RAB11A: variants seen among roughly 807,000 people sequenced by gnomAD.
The protein encoded by RAB11A is ras-related protein Rab-11A.
In RAB11A, 9 loss-of-function variants were observed where a neutral mutation model predicts 28.0. The observed-to-expected ratio is 0.32, with a 90% CI of 0.19 to 0.56. The LOEUF (loss-of-function observed/expected upper bound fraction) is 0.56, where lower values mean the gene tolerates loss of function less well. RAB11A is among the 20% of genes least tolerant of loss of function. The pLI is 0.91. For synonymous variants in RAB11A, 85 were observed against 88.2 expected (o/e 0.96, Z 0.20); for missense variants, 108 against 269.6 (o/e 0.40, Z 4.20).
At chr15:65,879,615 T>C in intron 3 of RAB11A, 56 bp from the exon 4 acceptor site, 1 of 1,357,206 alleles carries the variant, frequency 7.4e-7, no homozygotes, top group South Asian at 1.3e-5. Flanking sequence ...GGCTTGAGTA[T>C]ATCCTATTCC....
rs190571382 is a variant in RAB11A at position 65,877,797 on chromosome 15, A to T, written c.272A>T (p.Tyr91Phe). The change falls in exon 3 of 5, where the codon TAT becomes TTT. Residue 91 changes from tyrosine to phenylalanine, a missense_variant. Physicochemically the swap from Tyr to Phe is conservative, Grantham distance 22. Around this residue, in one of 2 missense-constraint regions of RAB11A, gnomAD observed 23 missense variants for 123.7 expected, o/e 0.19. Coordinates refer to ENST00000261890, the MANE Select transcript of RAB11A (RefSeq NM_004663.5). This position sits in a 1 kb window ranked among gnomAD's most constrained non-coding sequence, Gnocchi z 4.1. ...YRGAVGALLVYDIAKHLTYEN... is the reference protein window; with the variant it reads ...YRGAVGALLVFDIAKHLTYEN... ...GGAGCTGTAGGTGCCTTATTGGTTT[A>T]TGACATTGCTAAACATCTCACATAT... 1 of 1,610,890 alleles carries T rather than the reference A, an allele frequency of 6.2e-7. No individual in the cohort carries two copies. Among genetic ancestry groups the T allele is most frequent in the East Asian group, 2.2e-5 (1 of 44,846 alleles).
At chr15:65,876,611 G>T (rs1226246149) in intron 1 of RAB11A, among the ~76,000 whole-genome samples, 2 of 152,118 alleles carry the variant, frequency 1.3e-5, no homozygotes. Flanking sequence ...CTTTGGTTTT[G>T]ACTCACAGTA....
At chr15:65,879,118 A>G (rs759345799) in intron 3 of RAB11A, among the ~76,000 whole-genome samples, 1 of 151,404 alleles carries the variant, frequency 6.6e-6, no homozygotes, top group Non-Finnish European at 1.5e-5. Context: ...TCAGCCTCCT[A>G]AGTAGCTGAG....
At chr15:65,871,419 A>C (rs2078160219) in intron 1 of RAB11A, among the ~76,000 whole-genome samples, 2 of 152,206 alleles carry the variant, frequency 1.3e-5, no homozygotes, top group Non-Finnish European at 2.9e-5. Flanking sequence ...ATGTGAAACT[A>C]TTTGAATCTC....
chr15:65,891,396 C>T lies in RAB11A; in HGVS notation c.*3556C>T, dbSNP rs1032737691. ...AGGATGTTGTGTACTAGGCAATATACTAGCATGTATTAGAAAATACGGTAA... is the reference window on the plus strand; with the variant it reads ...AGGATGTTGTGTACTAGGCAATATATTAGCATGTATTAGAAAATACGGTAA... On this transcript the variant is annotated 3_prime_UTR_variant, in exon 5 of 5. Coordinates refer to ENST00000261890, the MANE Select transcript of RAB11A (RefSeq NM_004663.5). 1 of 152,282 alleles carries T rather than the reference C, an allele frequency of 6.6e-6. No individual in the cohort carries two copies. The highest frequency in any genetic ancestry group is 3.4e-3 in the Middle Eastern group (1 of 294). 9.4% of individuals were successfully genotyped at this position (152,282 alleles called of 1,614,324 possible).
At position 65,875,968 on chromosome 15, in the gene RAB11A, C is replaced by T. The variant is rs189026036; in HGVS notation, c.41-1364C>T. Among the ~76,000 whole-genome samples the T allele has an allele frequency of 2.0e-3, 303 of 152,268 alleles. 2 individuals are homozygous for T. Among genetic ancestry groups the T allele is most frequent in the Admixed American group, 0.014 (216 of 15,298 alleles). On this transcript the variant is annotated intron_variant, in intron 1 of 4. Transcript: ENST00000261890. ...AAGTCTTAGTAGTCAAAAGTAGGAA[C>T]GAATGTAATGTTTCCTGAAATGCTG...
At chr15:65,875,072 C>G (rs141477696) in intron 1 of RAB11A, among the ~76,000 whole-genome samples, 2 of 151,930 alleles carry the variant, frequency 1.3e-5, no homozygotes, top group East Asian at 1.9e-4. Flanking sequence ...AAAGAAAGTG[C>G]TGGAAGTTTT....
intron 4 of RAB11A, among the ~76,000 whole-genome samples, chr15:65,882,505 C>T (rs962759540): frequency 6.6e-6 from 1 of 152,192 alleles, no homozygotes; most frequent in Non-Finnish European, 1.5e-5. Context: ...TCTTGAATTC[C>T]TGAGCTCAAG....
At chr15:65,879,996 T>C (rs2078212678) in intron 4 of RAB11A, among the ~76,000 whole-genome samples, 2 of 152,234 alleles carry the variant, frequency 1.3e-5, no homozygotes, top group African/African-American at 4.8e-5. Context: ...ACTTCCATTA[T>C]TACTTCAGTC....
At chr15:65,876,290 T>C (rs897657028) in intron 1 of RAB11A, among the ~76,000 whole-genome samples, 11 of 152,116 alleles carry the variant, frequency 7.2e-5, no homozygotes, top group Admixed American at 7.2e-4. Context: ...CTTGCTTTGT[T>C]GTATTTTATT....
At position 65,877,743 on chromosome 15, in the gene RAB11A, AAT is replaced by A. The variant is rs2078198432; in HGVS notation, c.237-16_237-15del. 1.3e-6 allele frequency: 2 copies of A among 1,553,990 alleles called. No individual in the cohort carries two copies. On this transcript the variant is annotated splice_polypyrimidine_tract_variant and intron_variant, in intron 2 of 4. Transcript: ENST00000261890. This position sits in a 1 kb window ranked among gnomAD's most constrained non-coding sequence, Gnocchi z 4.1. ...TCCATCTTGTGGTTTTCTGATACTA[AAT>A]ATGTTTCTGTTTTCAGATATTATCG...
At position 65,889,778 on chromosome 15, in the gene RAB11A, T is replaced by C. The variant is rs1374096865; in HGVS notation, c.*1938T>C. On this transcript the variant is annotated 3_prime_UTR_variant, in exon 5 of 5. Coordinates refer to ENST00000261890, the MANE Select transcript of RAB11A (RefSeq NM_004663.5). ...GAAAAGAGAAAAACTAAATAGTGAA[T>C]TGAAAATGAATAAAGTAAACTTAGA... 6.6e-6 allele frequency: 1 copy of C among 152,218 alleles called. No individual in the cohort carries two copies. The highest frequency in any genetic ancestry group is 1.5e-5 in the Non-Finnish European group (1 of 68,040). 9.4% of individuals were successfully genotyped at this position (152,218 alleles called of 1,614,324 possible).
intron 1 of RAB11A, among the ~76,000 whole-genome samples, chr15:65,873,488 T>C (rs944835580): frequency 3.3e-5 from 5 of 152,188 alleles, no homozygotes; most frequent in African/African-American, 9.6e-5. Context: ...ACTCAGATTC[T>C]GCTGAATCTG....
rs1292123777 is a variant in RAB11A, at chr15:65,879,691, A to G, written c.451A>G (p.Ile151Val). ...CTCAGAAAAGAATGGTTTGTCATTC[A>G]TTGAAACTTCGGCCCTAGACTCTAC... ...AFAEKNGLSF[I>V]ETSALDSTNV... The change falls in exon 4 of 5, where the codon ATT (isoleucine) becomes GTT (valine). Residue 151 changes from isoleucine to valine, a missense_variant. Ile to Val is a conservative substitution (Grantham distance 29). Transcript: ENST00000261890. The G allele has an allele frequency of 1.9e-6, 3 of 1,597,554 alleles. No individual in the cohort carries two copies. The highest frequency in any genetic ancestry group is 3.4e-5 in the Admixed American group (2 of 59,550).
intron 3 of RAB11A, among the ~76,000 whole-genome samples, chr15:65,878,621 TGAG>T (rs373344077): frequency 3.3e-3 from 495 of 152,250 alleles, no homozygotes; most frequent in South Asian, 0.015. Context: ...GAGCTTGCAG[TGAG>T]CCGAGATAGC....
In RAB11A at chr15:65,877,495, A is replaced by G. The variant is rs527651848; in HGVS notation, c.204A>G (p.Ala68=). Residue 68 remains alanine (A), a synonymous_variant, in exon 2 of 5, where the codon GCA becomes GCG. Coordinates refer to ENST00000261890, the MANE Select transcript of RAB11A (RefSeq NM_004663.5). This position sits in a 1 kb window ranked among gnomAD's most constrained non-coding sequence, Gnocchi z 4.1. Reference sequence around the variant, plus strand: ...TAAAGGCACAGATATGGGACACAGCAGGGCAAGAGCGATATCGAGCTATAA... The same window carrying G: ...TAAAGGCACAGATATGGGACACAGCGGGGCAAGAGCGATATCGAGCTATAA... ...KTIKAQIWDT[A]GQERYRAITS... 2.5e-6 allele frequency: 4 copies of G among 1,614,190 alleles called. No homozygotes were observed. Among genetic ancestry groups the G allele is most frequent in the East Asian group, 4.5e-5 (2 of 44,882 alleles).
chr15:65,884,049 G>A (rs1768540318), intron 4 of RAB11A, among the ~76,000 whole-genome samples: 1 of 151,916 alleles, frequency 6.6e-6, no homozygotes, highest in African/African-American at 2.4e-5. Flanking sequence ...GAAGGGGAGT[G>A]GCTAAAATTT....
intron 1 of RAB11A, among the ~76,000 whole-genome samples, chr15:65,873,543 A>G (rs751883287): frequency 1.3e-3 from 202 of 151,982 alleles, no homozygotes; most frequent in Non-Finnish European, 2.2e-3. Context: ...CATTATATCT[A>G]TATCTATATC....
chr15:65,873,535 T>TTATATC lies in RAB11A; in HGVS notation c.41-3779_41-3774dup, dbSNP rs368765480. 1.6e-3 allele frequency among the ~76,000 whole-genome samples: 246 copies of TTATATC among 152,128 alleles called. 1 individual carries two copies. Among genetic ancestry groups the TTATATC allele is most frequent in the African/African-American group, 5.0e-3 (207 of 41,520 alleles). ...CTAGACTTGAGCCTTATTGTATGCATTATATCTATATCTATATCTATATAT... is the reference window on the plus strand; with the variant it reads ...CTAGACTTGAGCCTTATTGTATGCATTATATCTATATCTATATCTATATCTATATAT... On this transcript the variant is annotated intron_variant, in intron 1 of 4. Transcript: ENST00000261890.
Sources: gnomAD v4.1 joint callset for allele counts (sites outside exome capture counted in the v4.1 genomes callset) on GRCh38, gnomAD v4.1.1 for gene constraint, gnomAD v4.1.1 regional missense constraint, Gnocchi (gnomAD v3.1) non-coding constraint, MANE v1.5 for transcripts, NCBI Gene and HGNC (gene_info 2026-07-23, HGNC 2026-07-21) for gene names.